Variants in LIN28B observed in about 807,000 individuals in gnomAD.
LIN28B encodes protein lin-28 homolog B.
A neutral mutation model predicts 21.9 loss-of-function variants in LIN28B; 5 were observed. The ratio of observed to expected loss-of-function variants is 0.23; its 90% CI spans 0.12 to 0.48. The LOEUF is 0.48. Among genes scored for constraint, LIN28B ranks in the 20% least tolerant of loss-of-function variants. The pLI, the probability that LIN28B is intolerant of heterozygous loss-of-function variation, is 0.98. For missense variants in LIN28B, 245 were observed against 310.5 expected (o/e 0.79, Z 1.58); for synonymous variants, 109 against 111.3 (o/e 0.98, Z 0.13).
chr6:104,991,442 A>T (rs1168124131), intron 2 of LIN28B, among the ~76,000 whole-genome samples: 1 of 149,178 alleles, frequency 6.7e-6, no homozygotes, highest in African/African-American at 2.5e-5. Flanking sequence ...TGATCCCCAC[A>T]TCTCAGACGA....
chr6:104,966,488 C>T (rs183808365), intron 2 of LIN28B, among the ~76,000 whole-genome samples: 163 of 151,970 alleles, frequency 1.1e-3, no homozygotes, highest in African/African-American at 3.7e-3. Context: ...CAGAGTATTG[C>T]TCTTGCTCAG....
At position 105,075,005 on chromosome 6, in the gene LIN28B, G is replaced by T. The variant is rs138801405; in HGVS notation, c.384-3409G>T. Reference sequence around the variant, plus strand: ...TTACAGGCATGAGCCACTGCACTTGGCCTATTTTATCTTATTTGTAATGCA... The same window carrying T: ...TTACAGGCATGAGCCACTGCACTTGTCCTATTTTATCTTATTTGTAATGCA... On this transcript the variant is annotated intron_variant, in intron 3 of 3. Coordinates refer to ENST00000345080, the MANE Select transcript of LIN28B (RefSeq NM_001004317.4). 2.0e-5 allele frequency among the ~76,000 whole-genome samples: 3 copies of T among 152,322 alleles called. No individual in the cohort carries two copies. The East Asian group carries it at 5.8e-4, about 29-fold the overall frequency.
At chr6:105,026,194 G>T in intron 2 of LIN28B, 104 bp from the exon 3 acceptor site, 1 of 592,368 alleles carries the variant, frequency 1.7e-6, no homozygotes, top group Non-Finnish European at 2.8e-6. Flanking sequence ...CTTTTGTAAT[G>T]CATGACAGAG....
chr6:105,076,012 A>G lies in LIN28B; in HGVS notation c.384-2402A>G, dbSNP rs936935146. ...GTAGAGGAGAACTGTGTGGGAAAAT[A>G]TATTATTATAAGTAATGTGGTTATA... On this transcript the variant is annotated intron_variant, in intron 3 of 3. Coordinates refer to ENST00000345080, the MANE Select transcript of LIN28B (RefSeq NM_001004317.4). Among the ~76,000 whole-genome samples the G allele has an allele frequency of 2.6e-5, 4 of 152,326 alleles. No individual in the cohort carries two copies. The East Asian group carries it at 7.7e-4, about 29-fold the overall frequency.
At position 105,082,693 on chromosome 6, in the gene LIN28B, G is replaced by T. The variant is rs1383062653; in HGVS notation, c.*3910G>T. The T allele has an allele frequency of 6.6e-6, 1 of 152,616 alleles. No homozygotes were observed. The allele number at this position is 152,616 out of a possible 1,614,324, so 9.5% of individuals were successfully genotyped here. On this transcript the variant is annotated 3_prime_UTR_variant, in exon 4 of 4. Transcript: ENST00000345080. The stretch of plus-strand genomic sequence containing the variant: ...CCTCTTTAAGATGTGGTGGTTGTAT[G>T]ATCTGTGTCTTAATTGTTCAGTTAG...
chr6:105,049,611 C>T (rs1771849702), intron 3 of LIN28B, among the ~76,000 whole-genome samples: 1 of 152,014 alleles, frequency 6.6e-6, no homozygotes. Flanking sequence ...GTGTTAAAGT[C>T]TCCCATTATT....
intron 3 of LIN28B, among the ~76,000 whole-genome samples, chr6:104,952,084 C>T (rs1025967749): frequency 6.6e-6 from 1 of 152,118 alleles, no homozygotes; most frequent in Non-Finnish European, 1.5e-5. Context: ...AAATAAATAC[C>T]TGGGAGACAG....
chr6:105,020,109 T>A (rs1771106745), intron 2 of LIN28B, among the ~76,000 whole-genome samples: 1 of 104,840 alleles, frequency 9.5e-6, no homozygotes. Context: ...CTGTTATTCT[T>A]TTTTTTTTTT....
chr6:105,070,938 G>A (rs1461058533), intron 3 of LIN28B, among the ~76,000 whole-genome samples: 6 of 152,060 alleles, frequency 3.9e-5, no homozygotes, highest in Non-Finnish European at 7.4e-5. Context: ...ATGCAGTGGT[G>A]CAATCTCAGC....
intron 3 of LIN28B, chr6:105,045,604 T>C (rs1771741894): frequency 6.6e-6 from 1 of 152,172 alleles, no homozygotes; most frequent in Admixed American, 6.6e-5. Context: ...CATTCTTGTA[T>C]AGGGGCCATA....
intron 1 of LIN28B, among the ~76,000 whole-genome samples, chr6:104,957,547 A>C (rs1398353976): frequency 3.3e-5 from 5 of 151,988 alleles, no homozygotes; most frequent in African/African-American, 1.2e-4. Flanking sequence ...TAGTGATTCC[A>C]AGAAAACTTT....
At chr6:104,992,098 T>C (rs1770499372) in intron 2 of LIN28B, among the ~76,000 whole-genome samples, 1 of 151,628 alleles carries the variant, frequency 6.6e-6, no homozygotes, top group African/African-American at 2.4e-5. Context: ...GGAGTTTTGC[T>C]CTTGTTGCCC....
chr6:104,977,008 G>T (rs768657119), intron 2 of LIN28B, among the ~76,000 whole-genome samples: 1 of 152,002 alleles, frequency 6.6e-6, no homozygotes, highest in Non-Finnish European at 1.5e-5. Context: ...AGCTCTTCAT[G>T]ATCTGATTGA....
intron 2 of LIN28B, among the ~76,000 whole-genome samples, chr6:104,974,503 A>G (rs1285253820): frequency 1.3e-5 from 2 of 150,880 alleles, no homozygotes; most frequent in African/African-American, 2.4e-5. Context: ...AAAAAAAAAA[A>G]AGAAAAAGAA....
chr6:105,047,400 A>G (rs1328751860), intron 3 of LIN28B, among the ~76,000 whole-genome samples: 1 of 152,208 alleles, frequency 6.6e-6, no homozygotes, highest in Non-Finnish European at 1.5e-5. Context: ...TACCAGTAGC[A>G]TGCTGTTTTG....
intron 2 of LIN28B, among the ~76,000 whole-genome samples, chr6:104,989,903 G>C (rs1440640029): frequency 6.6e-6 from 1 of 152,088 alleles, no homozygotes; most frequent in Non-Finnish European, 1.5e-5. Context: ...CCAGTGAAAT[G>C]AAATTTTAGG....
intron 2 of LIN28B, among the ~76,000 whole-genome samples, chr6:104,942,618 A>G (rs1440266683): frequency 1.3e-5 from 2 of 150,222 alleles, no homozygotes; most frequent in African/African-American, 5.1e-5. Context: ...TTCCATTTTC[A>G]ATAATAATTA....
chr6:105,057,492 T>C (rs1772043021), intron 3 of LIN28B, among the ~76,000 whole-genome samples: 1 of 152,204 alleles, frequency 6.6e-6, no homozygotes. Flanking sequence ...TGCCTTGACA[T>C]GTTATGCTGC....
At chr6:105,031,170 A>G (rs1237320082) in intron 3 of LIN28B, among the ~76,000 whole-genome samples, 1 of 152,036 alleles carries the variant, frequency 6.6e-6, no homozygotes, top group East Asian at 1.9e-4. Flanking sequence ...TATTAGTCTG[A>G]ACCATGGATT....
Sources: gnomAD v4.1 joint callset for allele counts (sites outside exome capture counted in the v4.1 genomes callset) on GRCh38, gnomAD v4.1.1 for gene constraint, MANE v1.5 for transcripts, NCBI Gene and HGNC (gene_info 2026-07-23, HGNC 2026-07-21) for gene names.